The following ROBO1 variants were observed in gnomAD, a reference collection of about 807,000 sequenced individuals.
ROBO1 encodes roundabout guidance receptor 1.
Under a neutral mutation model 195.9 loss-of-function variants are expected in ROBO1, and 149 were observed. The observed-to-expected ratio is 0.76, with a 90% CI of 0.67 to 0.87. The LOEUF is 0.87. Among genes scored for constraint, ROBO1 ranks in the 40% least tolerant of loss-of-function variants. The pLI is 0.00. For missense variants in ROBO1, 1,933 were observed against 2,068.3 expected, an observed-to-expected ratio of 0.93 and a Z score of 1.27; for synonymous variants, 816 against 733.2, an observed-to-expected ratio of 1.11 and a Z score of -1.82.
intron 8 of ROBO1, among the ~76,000 whole-genome samples, chr3:78,711,398 C>CCTTT (rs1235633066): frequency 6.3e-4 from 25 of 39,938 alleles, no homozygotes; most frequent in Admixed American, 2.7e-3. Flanking sequence ...TTCCTTCCTT[C>CCTTT]CTTTCTTTCT....
At chr3:79,725,801 G>C (rs1323448619) in intron 1 of ROBO1, among the ~76,000 whole-genome samples, 3 of 151,994 alleles carry the variant, frequency 2.0e-5, no homozygotes, top group African/African-American at 7.3e-5. Context: ...ACTTTTAACT[G>C]ATACTGAATA....
chr3:79,595,706 C>T (rs1944145068), intron 1 of ROBO1, among the ~76,000 whole-genome samples: 1 of 150,700 alleles, frequency 6.6e-6, no homozygotes, highest in South Asian at 2.1e-4. Context: ...ACTTGGCTTT[C>T]TTCTCTTTTT....
intron 4 of ROBO1, among the ~76,000 whole-genome samples, chr3:78,900,754 A>AT (rs1553760437): frequency 2.0e-4 from 31 of 151,936 alleles, no homozygotes; most frequent in African/African-American, 7.0e-4. Flanking sequence ...AAAACAAAAA[A>AT]ATATATATAT....
chr3:78,873,991 T>C (rs1159137633), intron 4 of ROBO1, among the ~76,000 whole-genome samples: 3 of 152,134 alleles, frequency 2.0e-5, no homozygotes, highest in African/African-American at 7.2e-5. Flanking sequence ...ATTTATCACA[T>C]ACCCCCTTGG....
chr3:79,420,607 T>A (rs1042996294), intron 2 of ROBO1, among the ~76,000 whole-genome samples: 2 of 151,952 alleles, frequency 1.3e-5, no homozygotes, highest in African/African-American at 4.8e-5. Flanking sequence ...AGACGTAGAG[T>A]CTCTTTCAGC....
chr3:79,112,589 G>C (rs1161877017), intron 3 of ROBO1, among the ~76,000 whole-genome samples: 2 of 152,144 alleles, frequency 1.3e-5, no homozygotes, highest in Non-Finnish European at 2.9e-5. Context: ...AGGTCCAAAT[G>C]AGTTCATGTC....
In ROBO1 at chr3:79,019,025, G is replaced by C. The variant is rs549056391; in HGVS notation, c.173-80098C>G. ...GCTCGGGGTGCCGGGAGTGTGACTG[G>C]GTGACTCCGCGCGCAGAGAGCGAGC... On this transcript the variant is annotated intron_variant, in intron 3 of 30. Transcript: ENST00000464233. 778 of 989,512 alleles carry C rather than the reference G, an allele frequency of 7.9e-4. 9 individuals are homozygous for C. The African/African-American group carries it at 0.013, about 16-fold the overall frequency. The allele number at this position is 989,512 out of a possible 1,614,324, so 61.3% of individuals were successfully genotyped here.
chr3:79,159,685 G>A (rs183048656), intron 2 of ROBO1, among the ~76,000 whole-genome samples: 1 of 152,026 alleles, frequency 6.6e-6, no homozygotes, highest in East Asian at 1.9e-4. Context: ...TCCTTCAAGT[G>A]ACCTGAACAA....
intron 2 of ROBO1, among the ~76,000 whole-genome samples, chr3:79,398,267 T>C (rs1037664957): frequency 3.3e-5 from 5 of 152,114 alleles, no homozygotes; most frequent in African/African-American, 1.2e-4. Context: ...TACAGAAATA[T>C]ATACATACTA....
At chr3:79,612,275 C>T (rs1467760205) in intron 1 of ROBO1, among the ~76,000 whole-genome samples, 14 of 148,026 alleles carry the variant, frequency 9.5e-5, no homozygotes, top group African/African-American at 2.0e-4. Context: ...TGAGAATATG[C>T]GGTGTTTGGT....
At chr3:78,663,365 T>A (rs1707542499) in intron 14 of ROBO1, among the ~76,000 whole-genome samples, 1 of 152,064 alleles carries the variant, frequency 6.6e-6, no homozygotes, top group African/African-American at 2.4e-5. Flanking sequence ...TGGCATCCCA[T>A]ACTTCATCTT....
chr3:79,766,391 C>A (rs144989800), intron 1 of ROBO1, among the ~76,000 whole-genome samples: 1 of 151,836 alleles, frequency 6.6e-6, no homozygotes, highest in Non-Finnish European at 1.5e-5. Context: ...GGAGCTCCGA[C>A]TCGAGGCAGG....
At chr3:78,849,000 C>A (rs1439192537) in intron 4 of ROBO1, among the ~76,000 whole-genome samples, 1 of 151,878 alleles carries the variant, frequency 6.6e-6, no homozygotes, top group African/African-American at 2.4e-5. Flanking sequence ...GTAGAGATGG[C>A]AGAATGTTCT....
At chr3:79,499,026 C>T (rs1379463617) in intron 2 of ROBO1, among the ~76,000 whole-genome samples, 4 of 152,002 alleles carry the variant, frequency 2.6e-5, no homozygotes, top group Non-Finnish European at 5.9e-5. Flanking sequence ...TGGAATTTTG[C>T]TTTTGTCGCC....
chr3:78,679,169 C>T (rs1483735944), intron 10 of ROBO1, among the ~76,000 whole-genome samples: 4 of 151,916 alleles, frequency 2.6e-5, no homozygotes, highest in Non-Finnish European at 2.9e-5. Flanking sequence ...ATTGATGGGA[C>T]GTATCTCAAA....
intron 2 of ROBO1, among the ~76,000 whole-genome samples, chr3:79,434,353 C>T (rs2038800715): frequency 6.6e-6 from 1 of 152,168 alleles, no homozygotes; most frequent in Non-Finnish European, 1.5e-5. Flanking sequence ...TTACAAAGAA[C>T]TCAAACAAAT....
intron 2 of ROBO1, among the ~76,000 whole-genome samples, chr3:79,214,843 G>A (rs1231118137): frequency 4.3e-5 from 6 of 139,402 alleles, no homozygotes; most frequent in Non-Finnish European, 7.7e-5. Context: ...TTTTTTTTGA[G>A]GTACAGTTTG....
intron 2 of ROBO1, among the ~76,000 whole-genome samples, chr3:79,548,161 G>C (rs1241971638): frequency 6.6e-6 from 1 of 152,126 alleles, no homozygotes; most frequent in Non-Finnish European, 1.5e-5. Context: ...ATAGTAGCAG[G>C]TAACTTCCTC....
intron 2 of ROBO1, among the ~76,000 whole-genome samples, chr3:79,253,249 A>G (rs1298187557): frequency 6.6e-6 from 1 of 152,186 alleles, no homozygotes; most frequent in African/African-American, 2.4e-5. Context: ...AGATGTTTGT[A>G]TGGTAGCACT....
Sources: allele counts gnomAD v4.1 joint callset (sites outside exome capture counted in the v4.1 genomes callset), GRCh38; gene constraint gnomAD v4.1.1; transcripts MANE v1.5; gene names NCBI Gene and HGNC (gene_info 2026-07-23, HGNC 2026-07-21).